OR9Q1: variants seen among roughly 807,000 people sequenced by gnomAD.
The protein encoded by OR9Q1 is olfactory receptor 9Q1.
For synonymous variants in OR9Q1, 153 were observed against 148.6 expected, an observed-to-expected ratio of 1.03 and a Z score of -0.22; for missense variants, 374 against 378.8, an observed-to-expected ratio of 0.99 and a Z score of 0.11.
At chr11:58,153,761 C>G (rs1022105086) in intron 2 of OR9Q1, among the ~76,000 whole-genome samples, 10 of 152,148 alleles carry the variant, frequency 6.6e-5, no homozygotes, top group African/African-American at 2.4e-4. Flanking sequence ...TCAAACTTCT[C>G]TAACCTTGGC....
intron 2 of OR9Q1, among the ~76,000 whole-genome samples, chr11:58,122,251 A>T (rs1429354057): frequency 6.6e-6 from 1 of 152,144 alleles, no homozygotes; most frequent in Non-Finnish European, 1.5e-5. Flanking sequence ...AGAGACATTG[A>T]CAGATCACGT....
intron 2 of OR9Q1, among the ~76,000 whole-genome samples, chr11:58,085,852 A>G (rs1470876692): frequency 6.6e-6 from 1 of 151,746 alleles, no homozygotes; most frequent in African/African-American, 2.4e-5. Context: ...CAATAACAAG[A>G]ACCCCGCACC....
chr11:58,115,638 A>G (rs1235812316), intron 2 of OR9Q1, among the ~76,000 whole-genome samples: 1 of 152,154 alleles, frequency 6.6e-6, no homozygotes, highest in Non-Finnish European at 1.5e-5. Flanking sequence ...GTTGTTGCCA[A>G]GGAAAGAGAG....
At chr11:58,093,759 CAAAAAAAAAAAAAA>C (rs71061572) in intron 2 of OR9Q1, among the ~76,000 whole-genome samples, 1 of 35,562 alleles carries the variant, frequency 2.8e-5, no homozygotes, top group Non-Finnish European at 5.6e-5. Context: ...GACTTCATCT[CAAAAAAAAAAAAAA>C]AAAAAAAAAA....
At chr11:58,041,483 G>A (rs2441971) in intron 1 of OR9Q1, 27,097 of 153,480 alleles carry the variant, frequency 0.18, 2,508 homozygotes, top group South Asian at 0.23. Context: ...TTGTTGGCTC[G>A]GATGATGGGA....
chr11:58,034,352 G>T (rs1034374717), intron 1 of OR9Q1, among the ~76,000 whole-genome samples: 1 of 151,854 alleles, frequency 6.6e-6, no homozygotes, highest in Non-Finnish European at 1.5e-5. Context: ...CTCCCAAAGT[G>T]CTGGGATTAC....
At chr11:58,142,864 T>A (rs1345914105) in intron 2 of OR9Q1, among the ~76,000 whole-genome samples, 1 of 152,132 alleles carries the variant, frequency 6.6e-6, no homozygotes, top group East Asian at 1.9e-4. Flanking sequence ...TCTCACTGAT[T>A]GATAATGAAG....
At chr11:58,103,202 G>A (rs1207442195) in intron 2 of OR9Q1, among the ~76,000 whole-genome samples, 1 of 152,060 alleles carries the variant, frequency 6.6e-6, no homozygotes, top group Admixed American at 6.6e-5. Flanking sequence ...GCTTCACATG[G>A]CGGCAGCAAG....
intron 2 of OR9Q1, among the ~76,000 whole-genome samples, chr11:58,153,165 A>G (rs1435638844): frequency 6.6e-6 from 1 of 152,258 alleles, no homozygotes; most frequent in Non-Finnish European, 1.5e-5. Context: ...TGCCCAGAAA[A>G]TGAAAACCAA....
At chr11:58,122,093 T>A (rs1854039343) in intron 2 of OR9Q1, among the ~76,000 whole-genome samples, 1 of 152,196 alleles carries the variant, frequency 6.6e-6, no homozygotes, top group South Asian at 2.1e-4. Flanking sequence ...GAACTTGTGA[T>A]GAGGCCCCAT....
At chr11:58,154,939 A>C (rs1337723832) in intron 2 of OR9Q1, among the ~76,000 whole-genome samples, 2 of 152,216 alleles carry the variant, frequency 1.3e-5, no homozygotes, top group Admixed American at 6.5e-5. Context: ...AGTGATTTTA[A>C]GGTCCTGTAT....
intron 2 of OR9Q1, among the ~76,000 whole-genome samples, chr11:58,104,297 A>G (rs1020822798): frequency 1.3e-5 from 2 of 152,048 alleles, no homozygotes; most frequent in African/African-American, 4.8e-5. Flanking sequence ...CCCATGGATA[A>G]AGAGGAAGAA....
chr11:58,181,529 G>A lies in OR9Q1; in HGVS notation c.*1152G>A, dbSNP rs565437383. ...TTCATTTAAACAAATTTTTATACCT[G>A]GAACTCAAACTTCTTTTCCTGTCTC... On this transcript the variant is annotated 3_prime_UTR_variant, in exon 3 of 3. Coordinates refer to ENST00000335397, the MANE Select transcript of OR9Q1 (RefSeq NM_001005212.4). 1.7e-3 allele frequency: 269 copies of A among 155,950 alleles called. 2 individuals carry two copies. Among genetic ancestry groups the A allele is most frequent in the Non-Finnish European group, 2.3e-3 (151 of 66,726 alleles). 9.7% of individuals were successfully genotyped at this position (155,950 alleles called of 1,614,324 possible).
chr11:58,111,606 C>T (rs185587406), intron 2 of OR9Q1, among the ~76,000 whole-genome samples: 1 of 152,022 alleles, frequency 6.6e-6, no homozygotes, highest in Non-Finnish European at 1.5e-5. Context: ...TAAATTAGAA[C>T]GTTGAAGGTA....
intron 2 of OR9Q1, among the ~76,000 whole-genome samples, chr11:58,138,524 A>G (rs1854210572): frequency 6.6e-6 from 1 of 152,232 alleles, no homozygotes; most frequent in Admixed American, 6.5e-5. Context: ...TAAAAGTACA[A>G]AAGTAACATC....
At chr11:58,143,716 G>A (rs549919637) in intron 2 of OR9Q1, among the ~76,000 whole-genome samples, 10 of 152,020 alleles carry the variant, frequency 6.6e-5, no homozygotes, top group South Asian at 4.2e-4. Flanking sequence ...GGCTGTAGGC[G>A]GGGGGGTGGC....
At chr11:58,158,439 T>A (rs1362877653) in intron 2 of OR9Q1, among the ~76,000 whole-genome samples, 1 of 150,326 alleles carries the variant, frequency 6.7e-6, no homozygotes, top group African/African-American at 2.5e-5. Flanking sequence ...TTTTTTTTTT[T>A]TTAACATATT....
chr11:58,109,115 G>A (rs765961696), intron 2 of OR9Q1: 1 of 501,746 alleles, frequency 2.0e-6, no homozygotes, highest in South Asian at 1.5e-5. Context: ...TTCAGCAGGG[G>A]TGGGAGGTCA....
intron 2 of OR9Q1, among the ~76,000 whole-genome samples, chr11:58,139,382 A>G (rs1854221153): frequency 6.6e-6 from 1 of 151,824 alleles, no homozygotes; most frequent in East Asian, 1.9e-4. Context: ...TGCTGCACCC[A>G]TTAACTCATT....
Sources: allele counts gnomAD v4.1 joint callset (sites outside exome capture counted in the v4.1 genomes callset), GRCh38; gene constraint gnomAD v4.1.1; transcripts MANE v1.5; gene names NCBI Gene and HGNC (gene_info 2026-07-23, HGNC 2026-07-21).